PAWR: variants seen among roughly 807,000 people sequenced by gnomAD.
PAWR encodes the protein pro-apoptotic WT1 regulator.
Under a neutral mutation model 32.0 loss-of-function variants are expected in PAWR, and 23 were observed. The observed-to-expected ratio is 0.72, with a 90% CI of 0.52 to 1.02. The LOEUF is 1.02. Among genes scored for constraint, PAWR ranks in the 50% least tolerant of loss-of-function variants. PAWR has a pLI of 0.00. For missense variants in PAWR, 457 were observed against 437.7 expected, an observed-to-expected ratio of 1.04 and a Z score of -0.39; for synonymous variants, 226 against 187.1, an observed-to-expected ratio of 1.21 and a Z score of -1.70.
chr12:79,640,392 A>G (rs1876262508), intron 2 of PAWR, among the ~76,000 whole-genome samples: 1 of 152,100 alleles, frequency 6.6e-6, no homozygotes, highest in Non-Finnish European at 1.5e-5. Flanking sequence ...CTACAACCCA[A>G]GTAGGCAATT....
intron 2 of PAWR, among the ~76,000 whole-genome samples, chr12:79,628,480 TAG>T (rs1465132277): frequency 1.3e-5 from 2 of 151,850 alleles, no homozygotes; most frequent in African/African-American, 4.8e-5. Flanking sequence ...CTGAAGGAAA[TAG>T]AGACACAAAA....
chr12:79,651,300 G>A (rs1163729359), intron 2 of PAWR, among the ~76,000 whole-genome samples: 1 of 152,010 alleles, frequency 6.6e-6, no homozygotes. Flanking sequence ...AGGCAATTCA[G>A]AAAAGAAATA....
At chr12:79,664,659 G>GGC (rs1491572839) in intron 2 of PAWR, among the ~76,000 whole-genome samples, 1 of 5,456 alleles carries the variant, frequency 1.8e-4, no homozygotes, top group African/African-American at 9.7e-4. Context: ...ACTCTTTGGC[G>GGC]GGGGGGGGAG....
chr12:79,602,025 A>C (rs1873981394), intron 4 of PAWR, among the ~76,000 whole-genome samples: 1 of 152,224 alleles, frequency 6.6e-6, no homozygotes, highest in Non-Finnish European at 1.5e-5. Context: ...CCCTAATCCC[A>C]GACTTACATA....
At position 79,690,008 on chromosome 12, in the gene PAWR, G is replaced by A. The variant is rs922001837; in HGVS notation, c.237C>T (p.Ala79=). The A allele has an allele frequency of 5.4e-6, 7 of 1,302,786 alleles. No homozygotes were observed. In the African/African-American group the frequency reaches 1.1e-4, roughly 20 times the overall value. 80.7% of individuals were successfully genotyped at this position (1,302,786 alleles called of 1,614,324 possible). Residue 79 remains alanine (A), a synonymous_variant, in exon 2 of 7, where the codon GCC becomes GCT. Coordinates refer to ENST00000328827, the MANE Select transcript of PAWR (RefSeq NM_002583.4). ...CCCCGGGACCGGGGACGGCAGGTGCGGCCGGCGCGCCGCCCGGGAGGTTGT... is the reference window on the plus strand; with the variant it reads ...CCCCGGGACCGGGGACGGCAGGTGCAGCCGGCGCGCCGCCCGGGAGGTTGT... The part of the protein sequence containing the change: ...LNNNLPGGAP[A]APAVPGPGGV...
chr12:79,595,100 A>C (rs1471473581), intron 5 of PAWR, among the ~76,000 whole-genome samples: 1 of 152,180 alleles, frequency 6.6e-6, no homozygotes, highest in Non-Finnish European at 1.5e-5. Flanking sequence ...GAAATAATTC[A>C]AAATTAATTT....
At chr12:79,631,356 T>C (rs1374194734) in intron 2 of PAWR, among the ~76,000 whole-genome samples, 1 of 152,154 alleles carries the variant, frequency 6.6e-6, no homozygotes, top group East Asian at 1.9e-4. Context: ...AAGGTATACA[T>C]GTTGGAAAGG....
intron 3 of PAWR, among the ~76,000 whole-genome samples, chr12:79,614,217 T>A (rs1481814445): frequency 6.6e-6 from 1 of 150,452 alleles, no homozygotes; most frequent in Non-Finnish European, 1.5e-5. Flanking sequence ...TCCATGTTGG[T>A]CAGATTGGTC....
intron 2 of PAWR, among the ~76,000 whole-genome samples, chr12:79,682,351 G>T (rs1360002518): frequency 6.6e-6 from 1 of 152,134 alleles, no homozygotes; most frequent in Non-Finnish European, 1.5e-5. Context: ...TGAAAACAAA[G>T]TTTCAGCTGC....
chr12:79,640,772 TAC>T (rs1248794690), intron 2 of PAWR, among the ~76,000 whole-genome samples: 1 of 151,990 alleles, frequency 6.6e-6, no homozygotes, highest in Non-Finnish European at 1.5e-5. Flanking sequence ...AAAATCTGAA[TAC>T]ACATATCCCT....
chr12:79,658,790 G>C (rs1877210355), intron 2 of PAWR, among the ~76,000 whole-genome samples: 1 of 151,474 alleles, frequency 6.6e-6, no homozygotes, highest in East Asian at 2.0e-4. Flanking sequence ...CAGCCTCTTG[G>C]GTAGCTGGGA....
intron 2 of PAWR, among the ~76,000 whole-genome samples, chr12:79,629,825 G>A (rs760121783): frequency 2.1e-4 from 32 of 152,112 alleles, no homozygotes; most frequent in South Asian, 6.2e-4. Context: ...CTTAAAATCA[G>A]TAACAGAAAG....
At chr12:79,614,576 G>C (rs1296206786) in intron 3 of PAWR, among the ~76,000 whole-genome samples, 1 of 152,066 alleles carries the variant, frequency 6.6e-6, no homozygotes, top group Non-Finnish European at 1.5e-5. Flanking sequence ...TCAATCTTTT[G>C]ACAGTCTAGG....
At chr12:79,676,758 C>A (rs77787900) in intron 2 of PAWR, among the ~76,000 whole-genome samples, 11 of 152,152 alleles carry the variant, frequency 7.2e-5, no homozygotes, top group African/African-American at 2.7e-4. Context: ...AGCCCTCTAC[C>A]CCAATCAGGT....
chr12:79,671,837 G>T (rs1202071824), intron 2 of PAWR, among the ~76,000 whole-genome samples: 1 of 152,106 alleles, frequency 6.6e-6, no homozygotes, highest in African/African-American at 2.4e-5. Flanking sequence ...GGAGGCTGAG[G>T]CAAGAGGATC....
chr12:79,659,170 G>A (rs373222439), intron 2 of PAWR, among the ~76,000 whole-genome samples: 28 of 151,852 alleles, frequency 1.8e-4, no homozygotes, highest in East Asian at 1.4e-3. Context: ...GGTGGCGGGC[G>A]CCTGTAGTCC....
chr12:79,633,977 A>G (rs1457692676), intron 2 of PAWR, among the ~76,000 whole-genome samples: 2 of 152,196 alleles, frequency 1.3e-5, no homozygotes, highest in South Asian at 2.1e-4. Flanking sequence ...TGGTATAGAT[A>G]AAACAAAACT....
Position 79,609,764 on chromosome 12 carries a change from G to A in PAWR, c.683+3811C>T, listed in dbSNP as rs372366330. 7.9e-5 allele frequency among the ~76,000 whole-genome samples: 12 copies of A among 152,194 alleles called. 1 individual carries two copies. Among genetic ancestry groups the A allele is most frequent in the Admixed American group, 3.9e-4 (6 of 15,284 alleles). ...TCCTGGACACTGAATGGGTGCAAACGCTAAAGGCTGTCATACTGACCCTCT... is the reference window on the plus strand; with the variant it reads ...TCCTGGACACTGAATGGGTGCAAACACTAAAGGCTGTCATACTGACCCTCT... On this transcript the variant is annotated intron_variant, in intron 4 of 6. Coordinates refer to ENST00000328827, the MANE Select transcript of PAWR (RefSeq NM_002583.4).
chr12:79,603,367 A>G lies in PAWR; in HGVS notation c.684-6709T>C, dbSNP rs186248407. On this transcript the variant is annotated intron_variant, in intron 4 of 6. Transcript: ENST00000328827. The stretch of plus-strand genomic sequence containing the variant: ...GCAAAGTGGTAAAAAGAAAATCAAC[A>G]GAGGAAGGTATCACTAAAGCCATAC... 5.1e-4 allele frequency among the ~76,000 whole-genome samples: 78 copies of G among 152,262 alleles called. No individual in the cohort carries two copies. In the East Asian group the frequency reaches 9.9e-3, roughly 19 times the overall value.
Sources: allele counts gnomAD v4.1 joint callset (sites outside exome capture counted in the v4.1 genomes callset), GRCh38; gene constraint gnomAD v4.1.1; transcripts MANE v1.5; gene names NCBI Gene and HGNC (gene_info 2026-07-23, HGNC 2026-07-21).